The following SGCZ variants were observed in gnomAD, a reference collection of about 807,000 sequenced individuals.
SGCZ encodes zeta-sarcoglycan.
Under a neutral mutation model 41.3 loss-of-function variants are expected in SGCZ, and 40 were observed. The observed-to-expected ratio is 0.97, with a 90% CI of 0.75 to 1.26. The LOEUF is 1.26. Among genes scored for constraint, SGCZ ranks in the 50% most tolerant of loss-of-function variants. The probability of loss-of-function intolerance (pLI) is 0.00; values close to 1 mark genes in which losing one functional copy is unlikely to be tolerated. For missense variants in SGCZ, 552 were observed against 369.8 expected (o/e 1.49, Z -4.04); for synonymous variants, 206 against 137.5 (o/e 1.50, Z -3.49).
intron 2 of SGCZ, among the ~76,000 whole-genome samples, chr8:14,367,210 C>A (rs1363750525): frequency 6.6e-6 from 1 of 152,168 alleles, no homozygotes; most frequent in African/African-American, 2.4e-5. Flanking sequence ...GTCACCTTTG[C>A]TCCAGTTTCC....
intron 3 of SGCZ, among the ~76,000 whole-genome samples, chr8:14,266,165 T>G (rs1563222285): frequency 6.6e-6 from 1 of 152,078 alleles, no homozygotes; most frequent in Non-Finnish European, 1.5e-5. Flanking sequence ...AAGTCTGTCT[T>G]AAGAGATATC....
Position 14,087,055 on chromosome 8 carries a change from T to A in SGCZ, c.*3388A>T, listed in dbSNP as rs1363201194. Among the ~76,000 whole-genome samples, 2 of 150,688 alleles carry A rather than the reference T, an allele frequency of 1.3e-5. No homozygotes were observed. The highest frequency in any genetic ancestry group is 6.6e-5 in the Admixed American group (1 of 15,084). On this transcript the variant is annotated 3_prime_UTR_variant, in exon 8 of 8. Transcript: ENST00000382080. ...AGAACTGGAATTGCTGGCTCCATTT[T>A]CCGAGATTTGAAGTACTGTAATCTA...
intron 2 of SGCZ, among the ~76,000 whole-genome samples, chr8:14,544,316 T>C (rs2117159622): frequency 6.6e-6 from 1 of 152,224 alleles, no homozygotes; most frequent in Admixed American, 6.5e-5. Context: ...TACAAATTGA[T>C]TGTAAAACAT....
intron 2 of SGCZ, among the ~76,000 whole-genome samples, chr8:14,537,134 G>A (rs903849832): frequency 6.6e-6 from 1 of 151,864 alleles, no homozygotes; most frequent in Non-Finnish European, 1.5e-5. Context: ...CCTGGTTAAA[G>A]ATGTCCACTC....
At chr8:14,440,192 T>G (rs1305981121) in intron 2 of SGCZ, among the ~76,000 whole-genome samples, 2 of 152,052 alleles carry the variant, frequency 1.3e-5, no homozygotes, top group African/African-American at 4.8e-5. Flanking sequence ...TTTTTAAAAT[T>G]TTTTGCCTAT....
intron 3 of SGCZ, among the ~76,000 whole-genome samples, chr8:14,290,813 A>G (rs952748234): frequency 2.6e-5 from 4 of 152,166 alleles, no homozygotes; most frequent in Non-Finnish European, 5.9e-5. Context: ...TAGAACTACC[A>G]TATGAACCAA....
At chr8:15,051,467 G>T (rs1294072931) in intron 1 of SGCZ, among the ~76,000 whole-genome samples, 2 of 151,998 alleles carry the variant, frequency 1.3e-5, no homozygotes, top group African/African-American at 4.8e-5. Context: ...TCATGATGCT[G>T]TGAGCTTTTC....
intron 2 of SGCZ, among the ~76,000 whole-genome samples, chr8:14,408,952 A>AT (rs1563310415): frequency 2.0e-5 from 3 of 149,452 alleles, no homozygotes; most frequent in South Asian, 4.2e-4. Flanking sequence ...AAATTAAGAG[A>AT]GTGTGTGTGT....
At chr8:14,501,050 G>A (rs147728485) in intron 2 of SGCZ, among the ~76,000 whole-genome samples, 1 of 152,050 alleles carries the variant, frequency 6.6e-6, no homozygotes, top group African/African-American at 2.4e-5. Context: ...ATCCTCAATG[G>A]GTCAAAATCA....
chr8:14,415,340 A>C, intron 2 of SGCZ, among the ~76,000 whole-genome samples: 1 of 151,960 alleles, frequency 6.6e-6, no homozygotes, highest in East Asian at 1.9e-4. Context: ...CAAATGTATT[A>C]TACTTTTTCT....
chr8:14,814,043 G>T (rs1429645494), intron 1 of SGCZ, among the ~76,000 whole-genome samples: 2 of 152,128 alleles, frequency 1.3e-5, no homozygotes, highest in Non-Finnish European at 2.9e-5. Flanking sequence ...CCCTAGCACA[G>T]TATGCAGCAC....
intron 1 of SGCZ, among the ~76,000 whole-genome samples, chr8:14,784,756 G>A: frequency 6.6e-6 from 1 of 150,752 alleles, no homozygotes; most frequent in Non-Finnish European, 1.5e-5. Flanking sequence ...TACAAAATTA[G>A]GCGGGCATGG....
At chr8:14,305,488 C>G (rs926310293) in intron 3 of SGCZ, among the ~76,000 whole-genome samples, 1 of 152,066 alleles carries the variant, frequency 6.6e-6, no homozygotes, top group East Asian at 1.9e-4. Flanking sequence ...TAGCAAAAAT[C>G]TAGAAATTTT....
chr8:14,206,424 A>C lies in SGCZ; in HGVS notation c.424+31168T>G, dbSNP rs142364643. On this transcript the variant is annotated intron_variant, in intron 4 of 7. Coordinates refer to ENST00000382080, the MANE Select transcript of SGCZ (RefSeq NM_139167.4). ...TAAATAAGCACACACAATGGAGTAC[A>C]CACAAAACTATTCACTTCAAACATT... Among the ~76,000 whole-genome samples the C allele has an allele frequency of 4.4e-3, 676 of 152,332 alleles. 8 individuals carry two copies. Among genetic ancestry groups the C allele is most frequent in the African/African-American group, 0.016 (646 of 41,578 alleles).
chr8:14,593,586 C>A (rs576924262), intron 1 of SGCZ, among the ~76,000 whole-genome samples: 1 of 152,116 alleles, frequency 6.6e-6, no homozygotes, highest in East Asian at 1.9e-4. Flanking sequence ...GAAAGGATGG[C>A]GACAGTGGTG....
chr8:14,795,184 T>C (rs1027403271), intron 1 of SGCZ, among the ~76,000 whole-genome samples: 1 of 152,186 alleles, frequency 6.6e-6, no homozygotes, highest in Non-Finnish European at 1.5e-5. Flanking sequence ...TAACATAGGA[T>C]ACATGTGAAA....
intron 2 of SGCZ, among the ~76,000 whole-genome samples, chr8:14,548,050 A>G (rs970159533): frequency 1.4e-4 from 21 of 152,178 alleles, no homozygotes; most frequent in Admixed American, 1.1e-3. Context: ...TATGTTGTTA[A>G]TTAATTGTTA....
At chr8:14,248,496 T>C (rs1403485219) in intron 3 of SGCZ, among the ~76,000 whole-genome samples, 1 of 152,150 alleles carries the variant, frequency 6.6e-6, no homozygotes, top group Non-Finnish European at 1.5e-5. Context: ...TCTATTAAAC[T>C]GGTTTTCTTT....
Position 14,455,490 on chromosome 8 carries a change from ACG to A in SGCZ, c.234+99240_234+99241del, listed in dbSNP as rs1554520469. Among the ~76,000 whole-genome samples, 29 of 141,408 alleles carry A rather than the reference ACG, an allele frequency of 2.1e-4. No individual in the cohort carries two copies. The East Asian group carries it at 2.3e-3, about 11-fold the overall frequency. 92.8% of individuals were successfully genotyped at this position (141,408 alleles called of 152,430 possible). On this transcript the variant is annotated intron_variant, in intron 2 of 7. Transcript: ENST00000382080. ...CACACACACACACACACACACACAC[ACG>A]CATATACACACTTCTCTTTCCTTTC...
Sources: allele counts gnomAD v4.1 joint callset (sites outside exome capture counted in the v4.1 genomes callset), GRCh38; gene constraint gnomAD v4.1.1; transcripts MANE v1.5; gene names NCBI Gene and HGNC (gene_info 2026-07-23, HGNC 2026-07-21).